Variants in NVL observed in about 807,000 individuals in gnomAD.
The protein encoded by NVL is nuclear VCP like, also known as nuclear valosin-containing protein-like.
NVL carries 84 observed loss-of-function variants against 110.2 expected under a neutral mutation model. The observed-to-expected ratio is 0.76, with a 90% CI of 0.64 to 0.91. The LOEUF (loss-of-function observed/expected upper bound fraction) is 0.91. Ranked by LOEUF, NVL falls within the 40% of genes least tolerant of loss-of-function variation. NVL has a pLI of 0.00. For synonymous variants in NVL, 354 were observed against 361.1 expected, an observed-to-expected ratio of 0.98 and a Z score of 0.22; for missense variants, 882 against 1,035.9, an observed-to-expected ratio of 0.85 and a Z score of 2.04.
At chr1:224,315,502 A>G (rs531857499) in intron 4 of NVL, among the ~76,000 whole-genome samples, 1 of 152,360 alleles carries the variant, frequency 6.6e-6, no homozygotes, top group South Asian at 2.1e-4. Flanking sequence ...TCAATCTGAC[A>G]AAGGACATCT....
chr1:224,269,746 T>C (rs1458787246), intron 17 of NVL: 1 of 149,502 alleles, frequency 6.7e-6, no homozygotes, highest in African/African-American at 2.5e-5. Context: ...TTTCTTTCTT[T>C]CTTTTTTCTT....
In NVL at chr1:224,262,638, G is replaced by A. The variant is rs116276769; in HGVS notation, c.2182+5396C>T. Among the ~76,000 whole-genome samples the A allele has an allele frequency of 8.6e-3, 1,307 of 152,308 alleles. 21 individuals carry two copies. Among genetic ancestry groups the A allele is most frequent in the African/African-American group, 0.029 (1,206 of 41,570 alleles). ...CAGATTAGAGCCAGGAAGGTGGAAAGCTCCAGAGGGAGGTCTCCAGAAACA... is the reference window on the plus strand; with the variant it reads ...CAGATTAGAGCCAGGAAGGTGGAAAACTCCAGAGGGAGGTCTCCAGAAACA... On this transcript the variant is annotated intron_variant, in intron 18 of 22. Coordinates refer to ENST00000281701, the MANE Select transcript of NVL (RefSeq NM_002533.4).
Position 224,253,747 on chromosome 1 carries a change from A to G in NVL, c.2183-3429T>C, listed in dbSNP as rs888418409. ...GCTCGGTCTCAAAAAAAAAAAAAAA[A>G]AGAAAAGAAAAAAAGAAATTGCCAA... On this transcript the variant is annotated intron_variant, in intron 18 of 22. Coordinates refer to ENST00000281701, the MANE Select transcript of NVL (RefSeq NM_002533.4). 8.0e-3 allele frequency among the ~76,000 whole-genome samples: 1,196 copies of G among 149,652 alleles called. 21 individuals are homozygous for G. The highest frequency in any genetic ancestry group is 0.011 in the South Asian group (53 of 4,724).
chr1:224,308,076 T>C lies in NVL; in HGVS notation c.530A>G (p.Lys177Arg). 6.2e-7 allele frequency: 1 copy of C among 1,607,972 alleles called. No individual in the cohort carries two copies. The highest frequency in any genetic ancestry group is 8.5e-7 in the Non-Finnish European group (1 of 1,178,164). Residue 177 changes from lysine (K) to arginine (R), a missense_variant, in exon 6 of 23, where the codon AAA becomes AGA. This residue lies in a region of NVL where 274 missense variants were observed against 268.4 expected (regional missense o/e 1.02). Transcript: ENST00000281701. ...ACTGTCTTTCTTTACACTTGGGGTTTTGTCAATAAACCATCCTCCTTCAGA... is the reference window on the plus strand; with the variant it reads ...ACTGTCTTTCTTTACACTTGGGGTTCTGTCAATAAACCATCCTCCTTCAGA... ...KDSEGGWFID[K>R]TPSVKKDSFF...
chr1:224,302,884 C>CA (rs1265339836), intron 9 of NVL: 22 of 307,590 alleles, frequency 7.2e-5, no homozygotes, highest in Middle Eastern at 1.2e-3. Flanking sequence ...TTCGTCTCTA[C>CA]AAAAAAACAA....
chr1:224,293,749 T>C lies in NVL; in HGVS notation c.1325+518A>G, dbSNP rs766532022. 2.6e-5 allele frequency among the ~76,000 whole-genome samples: 4 copies of C among 152,364 alleles called. No individual in the cohort carries two copies. The East Asian group carries it at 5.8e-4, about 22-fold the overall frequency. ...GACCAGACAAATGAGTATGGATACA[T>C]AAGTCCATTACTACTTCTGAAAAAA... On this transcript the variant is annotated intron_variant, in intron 12 of 22. Coordinates refer to ENST00000281701, the MANE Select transcript of NVL (RefSeq NM_002533.4).
intron 19 of NVL, among the ~76,000 whole-genome samples, chr1:224,242,511 G>T: frequency 8.5e-6 from 1 of 118,198 alleles, no homozygotes; most frequent in Admixed American, 1.1e-4. Context: ...TTTTTGAGAC[G>T]GAGTCTCACT....
intron 9 of NVL, among the ~76,000 whole-genome samples, chr1:224,302,740 A>G (rs1472793166): frequency 1.3e-5 from 2 of 152,088 alleles, no homozygotes; most frequent in Admixed American, 1.3e-4. Context: ...TAGTTTTCTT[A>G]TTTTACTGCT....
At chr1:224,243,667 T>TTC (rs1661466603) in intron 19 of NVL, among the ~76,000 whole-genome samples, 1 of 149,678 alleles carries the variant, frequency 6.7e-6, no homozygotes, top group African/African-American at 2.5e-5. Flanking sequence ...GTCATACTTT[T>TTC]TTTTTTTTTT....
intron 5 of NVL, among the ~76,000 whole-genome samples, chr1:224,309,733 A>G (rs2102729593): frequency 6.6e-6 from 1 of 152,292 alleles, no homozygotes; most frequent in Middle Eastern, 3.4e-3. Context: ...ACAAATTTTA[A>G]GAAATAAAGT....
At chr1:224,321,917 G>T (rs1246087286) in intron 2 of NVL, among the ~76,000 whole-genome samples, 3 of 151,960 alleles carry the variant, frequency 2.0e-5, no homozygotes, top group Non-Finnish European at 4.4e-5. Flanking sequence ...CATGGCAGGG[G>T]GATTCAAGGC....
intron 12 of NVL, among the ~76,000 whole-genome samples, chr1:224,291,851 T>C (rs1463711754): frequency 6.6e-6 from 1 of 152,200 alleles, no homozygotes; most frequent in Non-Finnish European, 1.5e-5. Flanking sequence ...GCCCTTTTCA[T>C]AGTTGTACTC....
rs761260996 is a variant in NVL, at chr1:224,233,293, C to A, written c.2367-4G>T. 3 of 1,595,160 alleles carry A rather than the reference C, an allele frequency of 1.9e-6. No homozygotes were observed. The highest frequency in any genetic ancestry group is 2.7e-5 in the African/African-American group (2 of 73,784). On this transcript the variant is annotated splice_region_variant and splice_polypyrimidine_tract_variant and intron_variant, in intron 20 of 22. Transcript: ENST00000281701. ...CAAAGCAGAGAGATCTGCGCCCCTA[C>A]AATAAAATAATAGTTATCTACTTAT...
chr1:224,289,157 C>A, intron 13 of NVL: 1 of 242,008 alleles, frequency 4.1e-6, no homozygotes, highest in Non-Finnish European at 8.0e-6. Flanking sequence ...CAGAAACAGA[C>A]AACATGTATA....
chr1:224,276,051 A>G (rs957006539), intron 16 of NVL, among the ~76,000 whole-genome samples: 162 of 152,334 alleles, frequency 1.1e-3, no homozygotes, highest in African/African-American at 3.8e-3. Context: ...AGCAATTCAC[A>G]AGCAACTATA....
At chr1:224,317,360 A>G (rs532615652) in intron 4 of NVL, among the ~76,000 whole-genome samples, 35 of 152,320 alleles carry the variant, frequency 2.3e-4, no homozygotes, top group African/African-American at 7.5e-4. Flanking sequence ...GATAAGGATT[A>G]TAACAAATAT....
In NVL at chr1:224,289,745, A is replaced by T. The variant is rs746058751; in HGVS notation, c.1326-12T>A. 85 of 1,592,302 alleles carry T rather than the reference A, an allele frequency of 5.3e-5. 1 individual carries two copies. In the Middle Eastern group the frequency reaches 6.7e-4, roughly 13 times the overall value. On this transcript the variant is annotated splice_polypyrimidine_tract_variant and intron_variant, in intron 12 of 22. Transcript: ENST00000281701. ...ATGTTTGAAGTATTCTGTAGAAAAG[A>T]CAGGGGAAAAAATTTCTGATTCCTG... is the stretch of plus-strand genomic sequence containing the variant.
intron 19 of NVL, among the ~76,000 whole-genome samples, chr1:224,240,783 C>CTTTTTTT (rs59138570): frequency 4.8e-5 from 4 of 82,662 alleles, no homozygotes; most frequent in African/African-American, 1.0e-4. Context: ...ACAAACTGTC[C>CTTTTTTT]TTTTTTTTTT....
chr1:224,243,484 T>C (rs1661443688), intron 19 of NVL, among the ~76,000 whole-genome samples: 1 of 151,790 alleles, frequency 6.6e-6, no homozygotes, highest in Admixed American at 6.6e-5. Flanking sequence ...ACAAAAAAGT[T>C]TGTAAAAAGT....
Sources: gnomAD v4.1 joint callset for allele counts (sites outside exome capture counted in the v4.1 genomes callset) on GRCh38, gnomAD v4.1.1 for gene constraint, gnomAD v4.1.1 regional missense constraint, MANE v1.5 for transcripts, NCBI Gene and HGNC (gene_info 2026-07-23, HGNC 2026-07-21) for gene names.